Variants in RIGI observed in about 807,000 individuals in gnomAD.
RIGI encodes the protein antiviral innate immune response receptor RIG-I.
chr9:32,518,717 G>A, the RIGI span, among the ~76,000 whole-genome samples: 3 of 152,170 alleles, frequency 2.0e-5, no homozygotes, highest in Admixed American at 2.0e-4. Context: ...CCAGATAAAA[G>A]CCAGATATAG....
At chr9:32,470,825 A>C in the RIGI span, among the ~76,000 whole-genome samples, 1 of 152,262 alleles carries the variant, frequency 6.6e-6, no homozygotes, top group African/African-American at 2.4e-5. Flanking sequence ...ATCAGACCAG[A>C]AACAAATTCA....
chr9:32,487,975 T>C, the RIGI span: 1 of 1,613,976 alleles, frequency 6.2e-7, no homozygotes, highest in Non-Finnish European at 8.5e-7. Flanking sequence ...ATCCTCCAAG[T>C]TTCTGATCTA....
At chr9:32,487,939 A>T in the RIGI span, 1 of 1,613,370 alleles carries the variant, frequency 6.2e-7, no homozygotes, top group East Asian at 2.2e-5. Context: ...CTGACTTTGG[A>T]GATACCTGGG....
At chr9:32,474,081 A>G in the RIGI span, among the ~76,000 whole-genome samples, 1 of 151,956 alleles carries the variant, frequency 6.6e-6, no homozygotes, top group Non-Finnish European at 1.5e-5. Context: ...TTACACCTGC[A>G]GTCCCAGCTA....
At chr9:32,508,793 A>C in the RIGI span, among the ~76,000 whole-genome samples, 1 of 152,188 alleles carries the variant, frequency 6.6e-6, no homozygotes, top group Non-Finnish European at 1.5e-5. Context: ...CAGGGAGCCA[A>C]GTGGTCTAGC....
the RIGI span, among the ~76,000 whole-genome samples, chr9:32,482,882 T>C: frequency 6.6e-6 from 1 of 151,698 alleles, no homozygotes; most frequent in East Asian, 1.9e-4. Flanking sequence ...GGAGGAGATT[T>C]AGGACTCAGT....
At chr9:32,468,307 TCTCA>T in the RIGI span, among the ~76,000 whole-genome samples, 1 of 152,230 alleles carries the variant, frequency 6.6e-6, no homozygotes, top group Non-Finnish European at 1.5e-5. Flanking sequence ...TTTCACATCT[TCTCA>T]CTCACCAGAG....
At chr9:32,469,839 C>G in the RIGI span, among the ~76,000 whole-genome samples, 42 of 151,960 alleles carry the variant, frequency 2.8e-4, no homozygotes, top group Non-Finnish European at 5.3e-4. Context: ...AAGACATCTA[C>G]GTTTATCTAT....
the RIGI span, among the ~76,000 whole-genome samples, chr9:32,515,499 C>G: frequency 6.6e-6 from 1 of 152,094 alleles, no homozygotes; most frequent in Admixed American, 6.5e-5. Context: ...TTGCTTCTGT[C>G]TTCTCTCTCC....
chr9:32,475,726 A>G, the RIGI span, among the ~76,000 whole-genome samples: 2 of 152,212 alleles, frequency 1.3e-5, no homozygotes, highest in African/African-American at 4.8e-5. Context: ...AGATGATAAC[A>G]TAGTGAAAAT....
At chr9:32,463,089 C>T in the RIGI span, among the ~76,000 whole-genome samples, 95,937 of 151,778 alleles carry the variant, frequency 0.63, 30,874 homozygotes, top group East Asian at 0.89. Context: ...CACACCACTG[C>T]ACTCCAGCCT....
chr9:32,487,688 C>A, the RIGI span: 1 of 1,587,986 alleles, frequency 6.3e-7, no homozygotes, highest in South Asian at 1.1e-5. Context: ...AATGTTTCCA[C>A]AACCCCTCAT....
chr9:32,473,454 T>C, the RIGI span, among the ~76,000 whole-genome samples: 3 of 152,050 alleles, frequency 2.0e-5, no homozygotes, highest in East Asian at 1.9e-4. Flanking sequence ...GCATGGCTAA[T>C]TTTTGTATTT....
chr9:32,474,172 A>C, the RIGI span, among the ~76,000 whole-genome samples: 1 of 139,990 alleles, frequency 7.1e-6, no homozygotes, highest in South Asian at 2.4e-4. Flanking sequence ...AGTGTACTCC[A>C]ACCTGGGCAA....
At chr9:32,464,707 C>T in the RIGI span, among the ~76,000 whole-genome samples, 1 of 152,170 alleles carries the variant, frequency 6.6e-6, no homozygotes, top group Non-Finnish European at 1.5e-5. Context: ...AAATCCTTCC[C>T]CTTTGAGCAG....
the RIGI span, among the ~76,000 whole-genome samples, chr9:32,478,596 AC>A: frequency 6.6e-6 from 1 of 151,944 alleles, no homozygotes; most frequent in Non-Finnish European, 1.5e-5. Context: ...GACTCACTCT[AC>A]CACCCAAGCT....
chr9:32,466,204 C>A, the RIGI span: 1 of 1,371,398 alleles, frequency 7.3e-7, no homozygotes, highest in African/African-American at 1.5e-5. Flanking sequence ...ACACTCTAAG[C>A]AATATGATAA....
At chr9:32,459,073 G>C in the RIGI span, among the ~76,000 whole-genome samples, 3 of 151,968 alleles carry the variant, frequency 2.0e-5, no homozygotes, top group South Asian at 2.1e-4. Flanking sequence ...ATTTTTAGTA[G>C]AGACGGGGTT....
the RIGI span, among the ~76,000 whole-genome samples, chr9:32,521,822 T>C: frequency 6.6e-5 from 10 of 152,164 alleles, no homozygotes; most frequent in Non-Finnish European, 1.5e-4. Flanking sequence ...ATGATGATTA[T>C]TATGTTAAAT....
Sources: allele counts gnomAD v4.1 joint callset (sites outside exome capture counted in the v4.1 genomes callset), GRCh38; gene constraint gnomAD v4.1.1; transcripts MANE v1.5; gene names NCBI Gene and HGNC (gene_info 2026-07-23, HGNC 2026-07-21).